The following PPARGC1A variants were observed in gnomAD, a reference collection of about 807,000 sequenced individuals.
PPARGC1A encodes peroxisome proliferator-activated receptor gamma coactivator 1-alpha.
In PPARGC1A, 25 loss-of-function variants were observed where a neutral mutation model predicts 88.7. That is an observed-to-expected ratio of 0.28 (90% confidence interval 0.21 to 0.39). The LOEUF (loss-of-function observed/expected upper bound fraction) is 0.39. PPARGC1A is among the 10% of genes least tolerant of loss of function. PPARGC1A has a pLI of 1.00. For missense variants in PPARGC1A, 880 were observed against 968.7 expected (o/e 0.91, Z 1.22); for synonymous variants, 363 against 355.6 (o/e 1.02, Z -0.24).
At chr4:24,354,300 A>C in the PPARGC1A span, among the ~76,000 whole-genome samples, 2 of 152,258 alleles carry the variant, frequency 1.3e-5, no homozygotes, top group Admixed American at 6.5e-5. Context: ...AATCTTAATC[A>C]TATCTGCAAA....
At chr4:24,039,504 T>G in the PPARGC1A span, among the ~76,000 whole-genome samples, 1 of 152,142 alleles carries the variant, frequency 6.6e-6, no homozygotes, top group Non-Finnish European at 1.5e-5. Context: ...CTTAATCCCT[T>G]GCTTTATGTA....
rs779921584 is a variant in PPARGC1A, at chr4:23,889,889, C to T, written c.54+15G>A. On this transcript the variant is annotated intron_variant, in intron 1 of 12. Coordinates refer to ENST00000264867, the MANE Select transcript of PPARGC1A (RefSeq NM_013261.5). ...GTCAGTTGTGGCTGCAGCGCCGAGC[C>T]CTGCCCCAGCTCACCTCGATGTCAC... is the stretch of plus-strand genomic sequence containing the variant. The T allele has an allele frequency of 6.2e-7, 1 of 1,612,650 alleles. No individual in the cohort carries two copies. Among genetic ancestry groups the T allele is most frequent in the African/African-American group, 1.3e-5 (1 of 74,912 alleles).
the PPARGC1A span, among the ~76,000 whole-genome samples, chr4:24,087,226 T>A: frequency 6.6e-6 from 1 of 152,212 alleles, no homozygotes; most frequent in Non-Finnish European, 1.5e-5. Context: ...CAATCTCTTA[T>A]TCTCCCTCTT....
intron 2 of PPARGC1A, among the ~76,000 whole-genome samples, chr4:23,849,528 T>G (rs1051387444): frequency 6.6e-6 from 1 of 152,026 alleles, no homozygotes; most frequent in African/African-American, 2.4e-5. Flanking sequence ...CAAAAACCAC[T>G]GAATCATAGC....
the PPARGC1A span, among the ~76,000 whole-genome samples, chr4:24,385,786 G>A: frequency 7.5e-4 from 114 of 152,216 alleles, no homozygotes; most frequent in Non-Finnish European, 1.2e-3. Flanking sequence ...GGACCAGAAG[G>A]ATTTACAGCC....
intron 7 of PPARGC1A, chr4:23,820,403 A>G (rs1358379303): frequency 5.0e-6 from 1 of 198,364 alleles, no homozygotes; most frequent in Non-Finnish European, 1.1e-5. Flanking sequence ...ATATACATAT[A>G]CATAAAATTT....
At chr4:24,382,027 CA>C in the PPARGC1A span, among the ~76,000 whole-genome samples, 2 of 152,094 alleles carry the variant, frequency 1.3e-5, no homozygotes, top group Non-Finnish European at 2.9e-5. Context: ...TTGGAATCCA[CA>C]AAAACATTTA....
At chr4:24,025,776 G>A in the PPARGC1A span, among the ~76,000 whole-genome samples, 1 of 152,166 alleles carries the variant, frequency 6.6e-6, no homozygotes, top group Non-Finnish European at 1.5e-5. Context: ...TGAAGGAGGA[G>A]TTGCTCTCGA....
the PPARGC1A span, among the ~76,000 whole-genome samples, chr4:23,987,570 C>A: frequency 3.3e-5 from 5 of 152,030 alleles, no homozygotes; most frequent in African/African-American, 1.2e-4. Context: ...TCCTGGAAGC[C>A]TTTCCTAACT....
the PPARGC1A span, among the ~76,000 whole-genome samples, chr4:24,390,897 C>T: frequency 6.6e-6 from 1 of 151,960 alleles, no homozygotes; most frequent in African/African-American, 2.4e-5. Context: ...TCTCAAGCAA[C>T]TTAGGAATGT....
At chr4:24,196,147 C>T in the PPARGC1A span, among the ~76,000 whole-genome samples, 1 of 152,234 alleles carries the variant, frequency 6.6e-6, no homozygotes, top group East Asian at 1.9e-4. Context: ...CACCCTCATC[C>T]TGACGGATGG....
In PPARGC1A at chr4:23,812,840, G is replaced by T; in HGVS notation, c.1926C>A (p.His642Gln). 1 of 1,613,836 alleles carries T rather than the reference G, an allele frequency of 6.2e-7. No individual in the cohort carries two copies. Among genetic ancestry groups the T allele is most frequent in the Non-Finnish European group, 8.5e-7 (1 of 1,179,950 alleles). ...GATATTCTTCCCTCTTCAGCCTCTC[G>T]TGCTGATATTCCTCGTAGCTGTCAT... ...PRYDSYEEYQ[H>Q]ERLKREEYRR... Residue 642 changes from histidine (H) to glutamine (Q), a missense_variant, in exon 10 of 13, where the codon CAC becomes CAA. Physicochemically the swap from His to Gln is conservative, Grantham distance 24 (BLOSUM62 0). Coordinates refer to ENST00000264867, the MANE Select transcript of PPARGC1A (RefSeq NM_013261.5).
At chr4:24,421,593 G>T in the PPARGC1A span, among the ~76,000 whole-genome samples, 39 of 152,288 alleles carry the variant, frequency 2.6e-4, no homozygotes, top group African/African-American at 8.9e-4. Flanking sequence ...TTACAGGCGT[G>T]AGCCACCGCG....
chr4:24,180,831 G>A, the PPARGC1A span, among the ~76,000 whole-genome samples: 22,563 of 152,100 alleles, frequency 0.15, 2,043 homozygotes, highest in South Asian at 0.29. Context: ...AATGTGCAAA[G>A]GCTGTTGGAC....
At chr4:23,895,823 G>A (rs985474414) in intron 1 of PPARGC1A, among the ~76,000 whole-genome samples, 7 of 151,884 alleles carry the variant, frequency 4.6e-5, no homozygotes, top group African/African-American at 1.7e-4. Flanking sequence ...AAGGGAATGT[G>A]TACAAAGATT....
intron 7 of PPARGC1A, among the ~76,000 whole-genome samples, chr4:23,822,433 T>C (rs1431716673): frequency 6.6e-6 from 1 of 152,116 alleles, no homozygotes; most frequent in African/African-American, 2.4e-5. Flanking sequence ...ACTAGGATGA[T>C]AGTATTGCCT....
At chr4:24,294,433 C>T in the PPARGC1A span, among the ~76,000 whole-genome samples, 2 of 152,044 alleles carry the variant, frequency 1.3e-5, no homozygotes, top group African/African-American at 4.8e-5. Context: ...AATTTATTCA[C>T]TCTGGGGTTA....
the PPARGC1A span, among the ~76,000 whole-genome samples, chr4:24,229,782 T>C: frequency 7.3e-5 from 11 of 151,596 alleles, no homozygotes; most frequent in South Asian, 1.9e-3. Flanking sequence ...GAGGCAGAGA[T>C]TGCAGTGAGC....
At chr4:24,219,845 C>A in the PPARGC1A span, among the ~76,000 whole-genome samples, 1 of 152,142 alleles carries the variant, frequency 6.6e-6, no homozygotes, top group African/African-American at 2.4e-5. Context: ...TGTTGAGAAG[C>A]CCCATGGAGA....
Sources: gnomAD v4.1 joint callset for allele counts (sites outside exome capture counted in the v4.1 genomes callset) on GRCh38, gnomAD v4.1.1 for gene constraint, MANE v1.5 for transcripts, NCBI Gene and HGNC (gene_info 2026-07-23, HGNC 2026-07-21) for gene names.